The following GRIK2 variants were observed in gnomAD, a reference collection of about 807,000 sequenced individuals.
GRIK2 encodes the protein glutamate receptor ionotropic, kainate 2.
A neutral mutation model predicts 100.3 loss-of-function variants in GRIK2; 32 were observed. That is an observed-to-expected ratio of 0.32 (90% confidence interval 0.24 to 0.43). The LOEUF (loss-of-function observed/expected upper bound fraction) is 0.43. Ranked by LOEUF, GRIK2 falls within the 20% of genes least tolerant of loss-of-function variation. The pLI, the probability that GRIK2 is intolerant of heterozygous loss-of-function variation, is 1.00. For synonymous variants in GRIK2, 417 were observed against 389.4 expected (o/e 1.07, Z -0.83); for missense variants, 843 against 1,114.9 (o/e 0.76, Z 3.47).
chr6:101,961,945 G>C (rs957718498), intron 14 of GRIK2, among the ~76,000 whole-genome samples: 3 of 152,110 alleles, frequency 2.0e-5, no homozygotes, highest in Admixed American at 1.3e-4. Flanking sequence ...CTCAGCTTGG[G>C]TCTTGAGAGT....
At chr6:101,791,062 A>G (rs1377207117) in intron 7 of GRIK2, among the ~76,000 whole-genome samples, 1 of 152,014 alleles carries the variant, frequency 6.6e-6, no homozygotes, top group Non-Finnish European at 1.5e-5. Flanking sequence ...TATCCCTTTT[A>G]TCATTTTTTA....
chr6:101,548,675 CATT>C (rs1776366002), intron 2 of GRIK2, among the ~76,000 whole-genome samples: 3 of 152,004 alleles, frequency 2.0e-5, no homozygotes, highest in Admixed American at 1.3e-4. Context: ...CTTTTATCAT[CATT>C]GTCATCATCA....
chr6:101,537,438 G>GCA (rs1324824955), intron 2 of GRIK2, among the ~76,000 whole-genome samples: 3 of 95,108 alleles, frequency 3.2e-5, no homozygotes, highest in Admixed American at 1.0e-4. Context: ...TTGTGTGTGT[G>GCA]TGTTTGTGTG....
intron 4 of GRIK2, among the ~76,000 whole-genome samples, chr6:101,629,486 C>T (rs1272520567): frequency 6.6e-6 from 1 of 151,956 alleles, no homozygotes; most frequent in East Asian, 1.9e-4. Context: ...GCTTCTAATC[C>T]CTATTGAGGG....
chr6:101,903,789 A>AT (rs1582497948), intron 12 of GRIK2, among the ~76,000 whole-genome samples: 1 of 151,204 alleles, frequency 6.6e-6, no homozygotes, highest in South Asian at 2.1e-4. Context: ...TGGAGCAAAA[A>AT]AAAAAATAAT....
intron 7 of GRIK2, among the ~76,000 whole-genome samples, chr6:101,798,738 C>T (rs971629816): frequency 6.6e-6 from 1 of 151,956 alleles, no homozygotes; most frequent in African/African-American, 2.4e-5. Context: ...GGAGCATTGT[C>T]AGTGTGGCTG....
intron 7 of GRIK2, among the ~76,000 whole-genome samples, chr6:101,700,637 A>G (rs982540602): frequency 5.9e-5 from 9 of 152,134 alleles, no homozygotes. Context: ...TGAGGTGCCA[A>G]TATATTTAGC....
chr6:101,789,196 A>C (rs1471235433), intron 7 of GRIK2, among the ~76,000 whole-genome samples: 1 of 152,094 alleles, frequency 6.6e-6, no homozygotes, highest in African/African-American at 2.4e-5. Flanking sequence ...GCTGTGCAGA[A>C]GCTGTTTAGT....
intron 14 of GRIK2, among the ~76,000 whole-genome samples, chr6:101,951,249 A>G (rs532957611): frequency 6.6e-6 from 1 of 152,310 alleles, no homozygotes; most frequent in East Asian, 1.9e-4. Flanking sequence ...GTGTGAAGAA[A>G]TCCTGTATTT....
intron 7 of GRIK2, among the ~76,000 whole-genome samples, chr6:101,773,470 CTT>C (rs1401131377): frequency 8.1e-6 from 1 of 123,366 alleles, no homozygotes; most frequent in Non-Finnish European, 1.6e-5. Context: ...CAGAGCAAGA[CTT>C]TGTCTCAAAA....
intron 15 of GRIK2, among the ~76,000 whole-genome samples, chr6:102,050,338 G>C (rs13212100): frequency 0.41 from 61,867 of 151,602 alleles, 12,841 homozygotes; most frequent in Middle Eastern, 0.46. Flanking sequence ...GTGGAAGTTA[G>C]GGAAGGAAGG....
chr6:101,544,994 C>T (rs1776168084), intron 2 of GRIK2, among the ~76,000 whole-genome samples: 1 of 152,084 alleles, frequency 6.6e-6, no homozygotes, highest in African/African-American at 2.4e-5. Context: ...GATGGATCGC[C>T]ACATATATTT....
At chr6:101,796,867 ATAT>A (rs1391956529) in intron 7 of GRIK2, among the ~76,000 whole-genome samples, 5 of 152,118 alleles carry the variant, frequency 3.3e-5, no homozygotes, top group Admixed American at 2.0e-4. Context: ...TAGTTTAATA[ATAT>A]TATCTAATTT....
At chr6:101,838,950 G>A (rs1027792112) in intron 10 of GRIK2, among the ~76,000 whole-genome samples, 26 of 151,836 alleles carry the variant, frequency 1.7e-4, no homozygotes, top group African/African-American at 6.1e-4. Context: ...ACTGTGCCCA[G>A]AAATACAGCT....
intron 2 of GRIK2, among the ~76,000 whole-genome samples, chr6:101,586,091 C>T (rs996030467): frequency 6.6e-6 from 1 of 151,854 alleles, no homozygotes; most frequent in African/African-American, 2.4e-5. Context: ...GAGTTTAGTC[C>T]TGAAGCTGGG....
chr6:101,779,999 T>C lies in GRIK2; in HGVS notation c.952-19649T>C, dbSNP rs79782609. Among the ~76,000 whole-genome samples, 298 of 152,296 alleles carry C rather than the reference T, an allele frequency of 2.0e-3. 7 individuals are homozygous for C. The East Asian group carries it at 0.05, about 26-fold the overall frequency. ...TTGCCTTTGTAGTTTAGGATGTAAA[T>C]GACCACAGATTTATCTAACTATCTC... is the stretch of plus-strand genomic sequence containing the variant. On this transcript the variant is annotated intron_variant, in intron 7 of 16. Transcript: ENST00000369134.
intron 10 of GRIK2, among the ~76,000 whole-genome samples, chr6:101,833,188 C>G (rs1782814733): frequency 6.6e-6 from 1 of 151,838 alleles, no homozygotes; most frequent in Admixed American, 6.6e-5. Context: ...TTGGTGAGAA[C>G]TTTACTCTTC....
chr6:101,988,110 T>C (rs926116263), intron 14 of GRIK2, among the ~76,000 whole-genome samples: 6 of 42,242 alleles, frequency 1.4e-4, no homozygotes, highest in Non-Finnish European at 2.3e-4. Flanking sequence ...TGTGTGTGTG[T>C]GTGTGTGTGT....
At chr6:102,024,795 A>G (rs1304809925) in intron 14 of GRIK2, among the ~76,000 whole-genome samples, 1 of 151,148 alleles carries the variant, frequency 6.6e-6, no homozygotes, top group Non-Finnish European at 1.5e-5. Context: ...GTATATATAC[A>G]TATATTTTTC....
Sources: allele counts gnomAD v4.1 joint callset (sites outside exome capture counted in the v4.1 genomes callset), GRCh38; gene constraint gnomAD v4.1.1; transcripts MANE v1.5; gene names NCBI Gene and HGNC (gene_info 2026-07-23, HGNC 2026-07-21).